SH2D4A: variants seen among roughly 807,000 people sequenced by gnomAD.
SH2D4A encodes SH2 domain-containing protein 4A.
In SH2D4A, 70 loss-of-function variants were observed where a neutral mutation model predicts 64.7. The ratio of observed to expected loss-of-function variants is 1.08; its 90% CI spans 0.89 to 1.32. The LOEUF is 1.32. Ranked by LOEUF, SH2D4A falls within the 40% of genes most tolerant of loss-of-function variation. The probability of loss-of-function intolerance (pLI) is 0.00; values close to 1 mark genes in which losing one functional copy is unlikely to be tolerated. For synonymous variants in SH2D4A, 268 were observed against 200.7 expected (o/e 1.34, Z -2.83); for missense variants, 706 against 540.1 (o/e 1.31, Z -3.04).
At chr8:19,320,190 C>G (rs949443187) in intron 2 of SH2D4A, among the ~76,000 whole-genome samples, 3 of 151,744 alleles carry the variant, frequency 2.0e-5, no homozygotes, top group Non-Finnish European at 1.5e-5. Context: ...TAAGGAATTG[C>G]TATAAGGAAA....
At chr8:19,332,691 CAAAAAAAAAA>C (rs58695585) in intron 2 of SH2D4A, among the ~76,000 whole-genome samples, 3 of 81,718 alleles carry the variant, frequency 3.7e-5, no homozygotes, top group African/African-American at 6.8e-5. Flanking sequence ...GTGAGACTGT[CAAAAAAAAAA>C]AAAAAAAAAA....
intron 8 of SH2D4A, among the ~76,000 whole-genome samples, chr8:19,391,618 G>T (rs1301058543): frequency 6.6e-6 from 1 of 152,108 alleles, no homozygotes; most frequent in Non-Finnish European, 1.5e-5. Flanking sequence ...TCATACACTG[G>T]GACTCTGCAG....
intron 4 of SH2D4A, among the ~76,000 whole-genome samples, chr8:19,350,733 T>C (rs1237387998): frequency 6.6e-6 from 1 of 152,188 alleles, no homozygotes; most frequent in Admixed American, 6.5e-5. Flanking sequence ...ATCTTCTGAC[T>C]GGGCCTCCCA....
intron 7 of SH2D4A, among the ~76,000 whole-genome samples, chr8:19,371,408 T>C (rs978512033): frequency 6.6e-6 from 1 of 152,096 alleles, no homozygotes; most frequent in Non-Finnish European, 1.5e-5. Context: ...TTCTGGCCTA[T>C]ACGGTTTCTT....
rs767126043 is a variant in SH2D4A at position 19,341,368 on chromosome 8, T to TA, written c.513+6517dup. On this transcript the variant is annotated intron_variant, in intron 4 of 9. Transcript: ENST00000265807. ...TATATGCAAGGCCCAACATTTGCTA[T>TA]AAAAAATCTTCAAGCAGTTTTTATT... Among the ~76,000 whole-genome samples the TA allele has an allele frequency of 1.1e-4, 16 of 152,342 alleles. No homozygotes were observed. The East Asian group carries it at 2.1e-3, about 20-fold the overall frequency.
chr8:19,373,772 G>C lies in SH2D4A; in HGVS notation c.1048+112G>C, dbSNP rs548041038. The C allele has an allele frequency of 2.8e-5, 38 of 1,362,230 alleles. No homozygotes were observed. In the South Asian group the frequency reaches 6.1e-4, roughly 22 times the overall value. The allele number at this position is 1,362,230 out of a possible 1,614,324, so 84.4% of individuals were successfully genotyped here. Reference sequence around the variant, plus strand: ...CATTTATTGGTGCTGCCCAAAAAGAGTCTTTCAGATTATTTCACAAAGCAG... The same window carrying C: ...CATTTATTGGTGCTGCCCAAAAAGACTCTTTCAGATTATTTCACAAAGCAG... On this transcript the variant is annotated intron_variant, in intron 8 of 9. Coordinates refer to ENST00000265807, the MANE Select transcript of SH2D4A (RefSeq NM_022071.4).
chr8:19,333,239 C>T, intron 3 of SH2D4A, 125 bp downstream of exon 3: 1 of 1,028,864 alleles, frequency 9.7e-7, no homozygotes, highest in African/African-American at 1.6e-5. Context: ...TCACAAAAGT[C>T]ACTTTGGATC....
rs150636282 is a variant in SH2D4A at position 19,364,151 on chromosome 8, C to T, written c.786C>T (p.Leu262=). The T allele has an allele frequency of 7.0e-4, 1,129 of 1,614,050 alleles. No homozygotes were observed. Among genetic ancestry groups the T allele is most frequent in the Non-Finnish European group, 9.0e-4 (1,059 of 1,179,970 alleles). ...GAGAAGACTACAAGAGGTTATCCCT[C>T]GGGGCCCAGAAAGGAAGAGGCGGTG... ...QAREDYKRLS[L]GAQKGRGGER... The change falls in exon 7 of 10, where the codon CTC becomes CTT. Residue 262 remains leucine (L), a synonymous_variant. Coordinates refer to ENST00000265807, the MANE Select transcript of SH2D4A (RefSeq NM_022071.4).
intron 4 of SH2D4A, among the ~76,000 whole-genome samples, chr8:19,344,365 GC>G (rs1379662110): frequency 6.6e-6 from 1 of 152,140 alleles, no homozygotes; most frequent in Non-Finnish European, 1.5e-5. Context: ...TCAACCAGGG[GC>G]CAATCTTTGT....
intron 6 of SH2D4A, among the ~76,000 whole-genome samples, chr8:19,361,625 C>A (rs2052889937): frequency 6.6e-6 from 1 of 151,924 alleles, no homozygotes; most frequent in Non-Finnish European, 1.5e-5. Flanking sequence ...ATCTCATTAG[C>A]TTGGGGAAGA....
intron 4 of SH2D4A, among the ~76,000 whole-genome samples, chr8:19,338,189 T>C (rs2052473287): frequency 6.6e-6 from 1 of 152,208 alleles, no homozygotes; most frequent in Admixed American, 6.5e-5. Context: ...TAAATAGTTA[T>C]TAAAATGGAG....
rs992813649 is a variant in SH2D4A at position 19,395,341 on chromosome 8, T to G, written c.*699T>G. 1 of 152,222 alleles carries G rather than the reference T, an allele frequency of 6.6e-6. No homozygotes were observed. The highest frequency in any genetic ancestry group is 2.1e-4 in the South Asian group (1 of 4,830). 9.4% of individuals were successfully genotyped at this position (152,222 alleles called of 1,614,324 possible). On this transcript the variant is annotated 3_prime_UTR_variant, in exon 10 of 10. Transcript: ENST00000265807. ...TAGTGCACCAAAAGGATAAAGCATC[T>G]GTACATGTATTTTTTTATTTTTTAT...
intron 2 of SH2D4A, 21 bp downstream of exon 2, chr8:19,319,749 T>C (rs1563181978): frequency 2.6e-6 from 4 of 1,543,572 alleles, no homozygotes; most frequent in Non-Finnish European, 3.5e-6. Context: ...CCACGTTTCT[T>C]CTGTGGATGT....
intron 2 of SH2D4A, among the ~76,000 whole-genome samples, chr8:19,330,093 C>A (rs77514260): frequency 0.022 from 3,352 of 152,272 alleles, 65 homozygotes; most frequent in South Asian, 0.11. Context: ...ATTCCTGTAT[C>A]ACCTGCAGCA....
At chr8:19,326,535 C>A (rs1032698364) in intron 2 of SH2D4A, among the ~76,000 whole-genome samples, 2 of 152,152 alleles carry the variant, frequency 1.3e-5, no homozygotes, top group African/African-American at 4.8e-5. Context: ...TCATAGGAGG[C>A]CCTGGTGTTG....
At chr8:19,332,285 A>G (rs1253418294) in intron 2 of SH2D4A, among the ~76,000 whole-genome samples, 2 of 152,116 alleles carry the variant, frequency 1.3e-5, no homozygotes, top group Non-Finnish European at 2.9e-5. Flanking sequence ...CTGTTACCCT[A>G]AAGGATAATG....
intron 5 of SH2D4A, among the ~76,000 whole-genome samples, chr8:19,358,810 C>T (rs535092182): frequency 6.6e-5 from 10 of 152,264 alleles, no homozygotes; most frequent in East Asian, 3.9e-4. Flanking sequence ...ACGGGCCCAG[C>T]GGCTTTCTAT....
At chr8:19,344,657 C>T (rs763662788) in intron 4 of SH2D4A, among the ~76,000 whole-genome samples, 28 of 152,096 alleles carry the variant, frequency 1.8e-4, no homozygotes, top group African/African-American at 6.0e-4. Flanking sequence ...CAGATTAGGG[C>T]GTGGGTATCT....
intron 8 of SH2D4A, among the ~76,000 whole-genome samples, chr8:19,384,439 T>C (rs2053349453): frequency 6.6e-6 from 1 of 152,242 alleles, no homozygotes; most frequent in African/African-American, 2.4e-5. Flanking sequence ...TTATCTCTTC[T>C]TATCCCATTG....
Sources: allele counts gnomAD v4.1 joint callset (sites outside exome capture counted in the v4.1 genomes callset), GRCh38; gene constraint gnomAD v4.1.1; transcripts MANE v1.5; gene names NCBI Gene and HGNC (gene_info 2026-07-23, HGNC 2026-07-21).